MRM2: variants seen among roughly 807,000 people sequenced by gnomAD.
The protein encoded by MRM2 is rRNA methyltransferase 2, mitochondrial.
MRM2 carries 15 observed loss-of-function variants against 10.9 expected under a neutral mutation model. That is an observed-to-expected ratio of 1.37 (90% CI 0.92 to 2.11). The LOEUF is 2.11. MRM2 is among the 30% of genes most tolerant of loss of function. The pLI is 0.00. For missense variants in MRM2, 328 were observed against 321.3 expected, an observed-to-expected ratio of 1.02 and a Z score of -0.16; for synonymous variants, 139 against 128.7, an observed-to-expected ratio of 1.08 and a Z score of -0.54.
intron 2 of MRM2, among the ~76,000 whole-genome samples, chr7:2,236,564 G>A (rs1029506622): frequency 2.6e-5 from 4 of 152,258 alleles, no homozygotes; most frequent in Admixed American, 6.5e-5. Context: ...CAGCTACTCA[G>A]GAGACCCAGC....
At chr7:2,239,867 T>A (rs547091054) in intron 1 of MRM2, among the ~76,000 whole-genome samples, 160 bp from the exon 2 acceptor site, 1 of 152,134 alleles carries the variant, frequency 6.6e-6, no homozygotes, top group Non-Finnish European at 1.5e-5. Context: ...AAAGCAGGCA[T>A]CACAGGCCAA....
At chr7:2,237,021 G>A (rs1402472166) in intron 2 of MRM2, among the ~76,000 whole-genome samples, 3 of 146,350 alleles carry the variant, frequency 2.0e-5, no homozygotes, top group Non-Finnish European at 4.4e-5. Context: ...TTATCTTTGT[G>A]TGTCTTTGTG....
Position 2,239,671 on chromosome 7 carries a change from T to TTTCAG in MRM2, c.44_45insCTGAA (p.Gln15HisfsTer2). ...AGCGACTCCCAACAGTGTGGAACCC[T>TTTCAG]TGACGCTGAAAGGAAACACACACCA... On this transcript the variant is annotated stop_gained and frameshift_variant, in exon 2 of 3. Transcript: ENST00000242257. LOFTEE classifies it high-confidence loss of function. 6.2e-7 allele frequency: 1 copy of TTTCAG among 1,613,760 alleles called. No homozygotes were observed. The highest frequency in any genetic ancestry group is 8.5e-7 in the Non-Finnish European group (1 of 1,179,800).
rs1584626833 is a variant in MRM2, at chr7:2,239,503, C to A, written c.213G>T (p.Arg71=). ...LEVNERHQIL[R]PGLRVLDCGA... The stretch of plus-strand genomic sequence containing the variant: ...CACAGTCTAACACCCGAAGGCCGGG[C>A]CGCAGAATCTGGTGCCTCTCGTTCA... Residue 71 remains arginine, a synonymous_variant, in exon 2 of 3, where the codon CGG becomes CGT. Coordinates refer to ENST00000242257, the MANE Select transcript of MRM2 (RefSeq NM_013393.3). The A allele has an allele frequency of 6.2e-7, 1 of 1,613,992 alleles. No homozygotes were observed. The highest frequency in any genetic ancestry group is 8.5e-7 in the Non-Finnish European group (1 of 1,180,034).
intron 1 of MRM2, chr7:2,241,864 C>G (rs1402223156): frequency 3.0e-5 from 12 of 401,520 alleles, no homozygotes; most frequent in Middle Eastern, 6.6e-4. Flanking sequence ...AAATCCCGCC[C>G]CGGGCTCGCC....
At position 2,241,879 on chromosome 7, in the gene MRM2, G is replaced by C; in HGVS notation, c.8+283C>G. The C allele has an allele frequency of 7.2e-6, 3 of 415,334 alleles. No homozygotes were observed. In the South Asian group the frequency reaches 1.7e-4, roughly 23 times the overall value. The allele number at this position is 415,334 out of a possible 1,614,324, so 25.7% of individuals were successfully genotyped here. A position where few individuals can be genotyped will look rare whatever the true frequency, so the allele number is the denominator to read the frequency against. Reference sequence around the variant, plus strand: ...AAATCCCGCCCCGGGCTCGCCCCCGGCGCCTTGGATCTGGGCCCCGGCGCT... The same window carrying C: ...AAATCCCGCCCCGGGCTCGCCCCCGCCGCCTTGGATCTGGGCCCCGGCGCT... On this transcript the variant is annotated intron_variant, in intron 1 of 2. Coordinates refer to ENST00000242257, the MANE Select transcript of MRM2 (RefSeq NM_013393.3).
chr7:2,234,916 T>A lies in MRM2; in HGVS notation c.*206A>T. 1.7e-6 allele frequency: 1 copy of A among 578,076 alleles called. No individual in the cohort carries two copies. The highest frequency in any genetic ancestry group is 3.1e-6 in the Non-Finnish European group (1 of 327,284). 35.8% of individuals were successfully genotyped at this position (578,076 alleles called of 1,614,324 possible). On this transcript the variant is annotated 3_prime_UTR_variant, in exon 3 of 3. Coordinates refer to ENST00000242257, the MANE Select transcript of MRM2 (RefSeq NM_013393.3). Reference sequence around the variant, plus strand: ...TTCCCAAATCACAATATAGCGGACTTTTTCATTTTCCATGGCCCCTGAACT... The same window carrying A: ...TTCCCAAATCACAATATAGCGGACTATTTCATTTTCCATGGCCCCTGAACT...
At position 2,235,199 on chromosome 7, in the gene MRM2, C is replaced by T. The variant is rs1794395982; in HGVS notation, c.664G>A (p.Ala222Thr). ...ACTTCTGATGACTCTTTCCTGCTGG[C>T]TTCAGGTTTGATGATCCTTACATTC... Reference protein sequence around the residue: ...FQNVRIIKPEASRKESSEVYF... With the variant: ...FQNVRIIKPETSRKESSEVYF... The change falls in exon 3 of 3, where the codon GCC (alanine) becomes ACC (threonine). Residue 222 changes from alanine (A) to threonine (T), a missense_variant. Transcript: ENST00000242257. 10 of 1,614,052 alleles carry T rather than the reference C, an allele frequency of 6.2e-6. No homozygotes were observed. In the East Asian group the frequency reaches 2.0e-4, roughly 32 times the overall value.
chr7:2,239,198 C>G (rs755343469), intron 2 of MRM2: 32 of 783,872 alleles, frequency 4.1e-5, no homozygotes, highest in Non-Finnish European at 7.1e-5. Flanking sequence ...CGGTCTCATG[C>G]GAGGTGATTT....
At chr7:2,236,787 T>G (rs1441285670) in intron 2 of MRM2, among the ~76,000 whole-genome samples, 1 of 152,110 alleles carries the variant, frequency 6.6e-6, no homozygotes, top group East Asian at 1.9e-4. Flanking sequence ...TTATCAACTC[T>G]GACAATTTCT....
intron 1 of MRM2, 104 bp downstream of exon 1, chr7:2,242,058 C>T (rs968087403): frequency 2.4e-6 from 3 of 1,274,332 alleles, no homozygotes; most frequent in Non-Finnish European, 3.3e-6. Context: ...GGGACGGTGC[C>T]CAGCGCTCGG....
In MRM2 at chr7:2,235,214, T is replaced by A. The variant is rs1266214196; in HGVS notation, c.649A>T (p.Ile217Phe). Residue 217 changes from isoleucine (I) to phenylalanine (F), a missense_variant, in exon 3 of 3, where the codon ATC becomes TTC. Ile to Phe is a conservative substitution (Grantham distance 21). Transcript: ENST00000242257. ...RLTEEFQNVR[I>F]IKPEASRKES... ...TTCCTGCTGGCTTCAGGTTTGATGA[T>A]CCTTACATTCTGGAATTCCTCTGTC... 3 of 1,614,116 alleles carry A rather than the reference T, an allele frequency of 1.9e-6. No individual in the cohort carries two copies. The Admixed American group carries it at 5.0e-5, about 27-fold the overall frequency.
In MRM2 at chr7:2,239,515, G is replaced by C; in HGVS notation, c.201C>G (p.His67Gln). ...CCCGAAGGCCGGGCCGCAGAATCTG[G>C]TGCCTCTCGTTCACCTCCAGGAGCT... ...AFKLLEVNER[H>Q]QILRPGLRVL... Residue 67 changes from histidine (H) to glutamine (Q), a missense_variant, in exon 2 of 3, where the codon CAC (histidine) becomes CAG (glutamine). By Grantham distance (24) the His-to-Gln change is conservative (BLOSUM62 0). Coordinates refer to ENST00000242257, the MANE Select transcript of MRM2 (RefSeq NM_013393.3). The C allele has an allele frequency of 6.2e-7, 1 of 1,613,994 alleles. No homozygotes were observed. Among genetic ancestry groups the C allele is most frequent in the South Asian group, 1.1e-5 (1 of 91,090 alleles).
rs766651189 is a variant in MRM2, at chr7:2,239,445, C to T, written c.271G>A (p.Val91Met). 1 of 1,611,700 alleles carries T rather than the reference C, an allele frequency of 6.2e-7. No individual in the cohort carries two copies. Among genetic ancestry groups the T allele is most frequent in the South Asian group, 1.1e-5 (1 of 90,978 alleles). The change falls in exon 2 of 3, where the codon GTG becomes ATG. Residue 91 changes from valine (V) to methionine (M), a missense_variant. Coordinates refer to ENST00000242257, the MANE Select transcript of MRM2 (RefSeq NM_013393.3). ...AAPGAWSQVA[V>M]QKVNAAGTDP... ...GTGCCTGCGGCGTTGACCTTCTGCA[C>T]CGCCACCTGACTCCAGGCCCCAGGA...
At chr7:2,239,772 G>C in intron 1 of MRM2, 65 bp from the exon 2 acceptor site, 6 of 1,448,080 alleles carry the variant, frequency 4.1e-6, no homozygotes, top group African/African-American at 1.4e-5. Context: ...TGAGCTGGGA[G>C]GGCCCTCGGA....
In MRM2 at chr7:2,234,411, C is replaced by T. The variant is rs371807792; in HGVS notation, c.*711G>A. On this transcript the variant is annotated 3_prime_UTR_variant, in exon 3 of 3. Coordinates refer to ENST00000242257, the MANE Select transcript of MRM2 (RefSeq NM_013393.3). ...GACCATACGTCTTCCCTAATTGTTC[C>T]GGGAACTTTTGCTGCTTGAAGAATG... The T allele has an allele frequency of 2.0e-5, 3 of 152,314 alleles. No homozygotes were observed. The East Asian group carries it at 5.8e-4, about 29-fold the overall frequency. The allele number at this position is 152,314 out of a possible 1,614,324, so 9.4% of individuals were successfully genotyped here.
In MRM2 at chr7:2,235,428, G is replaced by T. The variant is rs774143934; in HGVS notation, c.435C>A (p.Gly145=). The change falls in exon 3 of 3, where the codon GGC becomes GGA. Residue 145 remains glycine, a synonymous_variant. Coordinates refer to ENST00000242257, the MANE Select transcript of MRM2 (RefSeq NM_013393.3). ...CGCTCAGAATCACATCTGCTCTCCT[G>T]CCAGGAAGCACCTCGAGGATTCTCT... The part of the protein sequence containing the change: ...TSQRILEVLP[G]RRADVILSDM... 3.7e-6 allele frequency: 6 copies of T among 1,613,928 alleles called. No individual in the cohort carries two copies. Among genetic ancestry groups the T allele is most frequent in the Middle Eastern group, 1.6e-4 (1 of 6,082 alleles).
chr7:2,240,038 C>T (rs142470319), intron 1 of MRM2, among the ~76,000 whole-genome samples: 2 of 152,250 alleles, frequency 1.3e-5, no homozygotes, highest in South Asian at 2.1e-4. Flanking sequence ...CCGTGGCCAA[C>T]ATGATGAAAC....
intron 2 of MRM2, chr7:2,238,955 A>ACAAAAATAAT (rs749797783): frequency 2.1e-5 from 4 of 188,182 alleles, no homozygotes; most frequent in Non-Finnish European, 4.0e-5. Context: ...GGGGGGAAGA[A>ACAAAAATAAT]CAAAAATAAT....
Sources: allele counts gnomAD v4.1 joint callset (sites outside exome capture counted in the v4.1 genomes callset), GRCh38; gene constraint gnomAD v4.1.1; transcripts MANE v1.5; gene names NCBI Gene and HGNC (gene_info 2026-07-23, HGNC 2026-07-21).